Variants in GPRC5C observed in about 807,000 individuals in gnomAD.
The protein encoded by GPRC5C is G protein-coupled receptor family C group 5 member C.
A neutral mutation model predicts 31.4 loss-of-function variants in GPRC5C; 22 were observed. That is an observed-to-expected ratio of 0.70 (90% CI 0.50 to 1.00). The LOEUF is 1.00. GPRC5C is among the 50% of genes least tolerant of loss of function. The pLI is 0.00. For missense variants in GPRC5C, 557 were observed against 597.2 expected, an observed-to-expected ratio of 0.93 and a Z score of 0.70; for synonymous variants, 249 against 257.5, an observed-to-expected ratio of 0.97 and a Z score of 0.32.
At chr17:74,435,920 T>C (rs994945945) in intron 1 of GPRC5C, among the ~76,000 whole-genome samples, 48 of 152,240 alleles carry the variant, frequency 3.2e-4, no homozygotes, top group Admixed American at 2.7e-3. Context: ...GTCCTTCGAT[T>C]GTTTTTTGGA....
rs377077587 is a variant in GPRC5C at position 74,444,322 on chromosome 17, G to A, written c.1146+410G>A. On this transcript the variant is annotated intron_variant, in intron 3 of 3. Transcript: ENST00000392627. ...GTCCAAATGTCACAGGTCTGGATAG[G>A]TGTTTACTTCTCAACCACAGCTGTG... Among the ~76,000 whole-genome samples, 17 of 152,270 alleles carry A rather than the reference G, an allele frequency of 1.1e-4. 1 individual carries two copies. In the East Asian group the frequency reaches 2.9e-3, roughly 26 times the overall value.
intron 2 of GPRC5C, among the ~76,000 whole-genome samples, chr17:74,442,822 G>GGT (rs1598432021): frequency 6.6e-6 from 1 of 151,824 alleles, no homozygotes; most frequent in Admixed American, 6.6e-5. Flanking sequence ...TCACACGCAC[G>GGT]GTGTGCATGG....
rs771830491 is a variant in GPRC5C, at chr17:74,440,061, G to A, written c.285G>A (p.Leu95=). ...TGGGGACCCAGGTATTCTTCCTTCT[G>A]GGGACCCTGGGCCTCTTCTGCCTCG... ...SLLGTQVFFL[L]GTLGLFCLVF... Residue 95 remains leucine (L), a synonymous_variant, in exon 2 of 4, where the codon CTG becomes CTA. Coordinates refer to ENST00000392627, the MANE Select transcript of GPRC5C (RefSeq NM_022036.4). This position sits in a 1 kb window ranked among gnomAD's most constrained non-coding sequence, Gnocchi z 4.4. The A allele has an allele frequency of 1.2e-6, 2 of 1,612,906 alleles. No homozygotes were observed.
chr17:74,438,021 TTTTTC>T (rs548867253), intron 1 of GPRC5C, among the ~76,000 whole-genome samples: 72 of 151,772 alleles, frequency 4.7e-4, no homozygotes, highest in South Asian at 4.0e-3. Flanking sequence ...TTAAATTTTC[TTTTTC>T]TTTTCTTTTC....
In GPRC5C at chr17:74,439,790, A is replaced by G. The variant is rs767995454; in HGVS notation, c.14A>G (p.Lys5Arg). 4 of 1,611,508 alleles carry G rather than the reference A, an allele frequency of 2.5e-6. No individual in the cohort carries two copies. The highest frequency in any genetic ancestry group is 3.4e-6 in the Non-Finnish European group (4 of 1,178,426). The change falls in exon 2 of 4, where the codon AAA becomes AGA. Residue 5 changes from lysine to arginine, a missense_variant. Coordinates refer to ENST00000392627, the MANE Select transcript of GPRC5C (RefSeq NM_022036.4). MAIH[K>R]ALVMCLGLPL... Reference sequence around the variant, plus strand: ...CTGGGAGCCAGGATGGCCATCCACAAAGCCTTGGTGATGTGCCTGGGACTG... The same window carrying G: ...CTGGGAGCCAGGATGGCCATCCACAGAGCCTTGGTGATGTGCCTGGGACTG...
intron 2 of GPRC5C, among the ~76,000 whole-genome samples, chr17:74,441,043 G>A (rs2055531269): frequency 6.6e-6 from 1 of 151,886 alleles, no homozygotes; most frequent in Non-Finnish European, 1.5e-5. Context: ...GGGAGGCCAA[G>A]GCGGGTGGAT....
intron 3 of GPRC5C, among the ~76,000 whole-genome samples, chr17:74,444,792 T>C (rs1188047164): frequency 6.6e-6 from 1 of 152,160 alleles, no homozygotes; most frequent in Non-Finnish European, 1.5e-5. Flanking sequence ...CACAGAAGCC[T>C]TTGCTGAATA....
intron 3 of GPRC5C, chr17:74,446,010 C>CAAAAA (rs59960529): frequency 1.5e-5 from 1 of 66,106 alleles, no homozygotes; most frequent in Non-Finnish European, 3.0e-5. Context: ...ACCATCTCTA[C>CAAAAA]AAAAAAAAAA....
chr17:74,440,598 C>A lies in GPRC5C; in HGVS notation c.822C>A (p.Thr274=), dbSNP rs35250319. The A allele has an allele frequency of 1.9e-6, 3 of 1,612,820 alleles. No individual in the cohort carries two copies. The highest frequency in any genetic ancestry group is 2.5e-6 in the Non-Finnish European group (3 of 1,178,938). The change falls in exon 2 of 4, where the codon ACC becomes ACA. Residue 274 remains threonine (T), a synonymous_variant. Transcript: ENST00000392627. This position sits in a 1 kb window ranked among gnomAD's most constrained non-coding sequence, Gnocchi z 4.4. ...GCAACAAGCAGCACAACAGTCCCAC[C>A]TGGGATGACCCCACGCTGGCCATCG... ...TYGNKQHNSP[T]WDDPTLAIAL...
In GPRC5C at chr17:74,440,464, G is replaced by A. The variant is rs201827593; in HGVS notation, c.688G>A (p.Ala230Thr). 97 of 1,614,066 alleles carry A rather than the reference G, an allele frequency of 6.0e-5. 1 individual carries two copies. In the Middle Eastern group the frequency reaches 6.6e-4, roughly 11 times the overall value. The change falls in exon 2 of 4, where the codon GCC becomes ACC. Residue 230 changes from alanine to threonine, a missense_variant. Coordinates refer to ENST00000392627, the MANE Select transcript of GPRC5C (RefSeq NM_022036.4). The surrounding 1 kb of genome is among the most constrained non-coding windows in gnomAD (Gnocchi z 4.4). ...GGGTGCCTTCCTGGGGGCCTGGCCC[G>A]CCCTGTGTGGCCGCTACAAGCGCTG... is the stretch of plus-strand genomic sequence containing the variant. ...LLGAFLGAWP[A>T]LCGRYKRWRK... is the part of the protein sequence containing the mutation.
At chr17:74,443,060 C>G (rs2055568077) in intron 2 of GPRC5C, 1 of 154,164 alleles carries the variant, frequency 6.5e-6, no homozygotes, top group Non-Finnish European at 1.4e-5. Flanking sequence ...CTCAGAACTG[C>G]AGGGCCGTCA....
chr17:74,432,351 C>G (rs1178292968), intron 1 of GPRC5C: 15 of 1,412,838 alleles, frequency 1.1e-5, no homozygotes, highest in Non-Finnish European at 2.8e-6. Context: ...GGCTCAGCCT[C>G]GGTCCCAGGG....
Position 74,433,666 on chromosome 17 carries a change from G to C in GPRC5C, c.-33+1525G>C, listed in dbSNP as rs2055388736. The C allele has an allele frequency of 1.9e-6, 3 of 1,561,908 alleles. No homozygotes were observed. In the East Asian group the frequency reaches 6.7e-5, roughly 35 times the overall value. ...TATAGGCTCTTGAGTGTGTGGGATG[G>C]GAGGAAGGCAAGTGCTCTGTGGTAT... On this transcript the variant is annotated intron_variant, in intron 1 of 3. Transcript: ENST00000392627.
chr17:74,442,937 T>C (rs2055565318), intron 2 of GPRC5C: 2 of 151,844 alleles, frequency 1.3e-5, no homozygotes, highest in African/African-American at 4.8e-5. Context: ...CGGGGCCAAA[T>C]GGTTCTCAAC....
At chr17:74,448,880 T>C (rs973314427), downstream of GPRC5C, 11 of 1,289,678 alleles carry the variant, frequency 8.5e-6, no homozygotes, top group Non-Finnish European at 1.0e-5. Context: ...CCTAAGACTC[T>C]GACGTCCAGC....
intron 3 of GPRC5C, among the ~76,000 whole-genome samples, chr17:74,444,990 C>A (rs1033600875): frequency 6.6e-6 from 1 of 152,210 alleles, no homozygotes; most frequent in Non-Finnish European, 1.5e-5. Context: ...TGGCTCACAC[C>A]TGTAATCCCA....
chr17:74,446,768 T>G, intron 3 of GPRC5C, 81 bp from the exon 4 acceptor site: 1 of 1,113,694 alleles, frequency 9.0e-7, no homozygotes, highest in Non-Finnish European at 1.3e-6. Flanking sequence ...GTCCCAGCCC[T>G]GCAGGAAGTG....
Position 74,440,020 on chromosome 17 carries a change from A to G in GPRC5C, c.244A>G (p.Lys82Glu). The change falls in exon 2 of 4, where the codon AAG (lysine) becomes GAG (glutamate). Residue 82 changes from lysine (K) to glutamate (E), a missense_variant. Transcript: ENST00000392627. The surrounding 1 kb of genome is among the most constrained non-coding windows in gnomAD (Gnocchi z 4.4). The stretch of plus-strand genomic sequence containing the variant: ...CAGCCTCCCCTTTGTGCAGGACACC[A>G]AGAAACGGAGCCTGCTGGGGACCCA... ...VASLPFVQDT[K>E]KRSLLGTQVF... The G allele has an allele frequency of 6.2e-7, 1 of 1,610,402 alleles. No individual in the cohort carries two copies.
intron 1 of GPRC5C, chr17:74,432,614 A>T (rs2055371494): frequency 1.4e-6 from 1 of 715,304 alleles, no homozygotes; most frequent in Non-Finnish European, 1.7e-6. Context: ...GGGACTGGAC[A>T]TCCTGCGGGC....
Sources: allele counts gnomAD v4.1 joint callset (sites outside exome capture counted in the v4.1 genomes callset), GRCh38; gene constraint gnomAD v4.1.1; non-coding constraint Gnocchi (gnomAD v3.1); transcripts MANE v1.5; gene names NCBI Gene and HGNC (gene_info 2026-07-23, HGNC 2026-07-21).